DLG1: variants seen among roughly 807,000 people sequenced by gnomAD.
The protein encoded by DLG1 is disks large homolog 1.
DLG1 carries 42 observed loss-of-function variants against 123.4 expected under a neutral mutation model. That is an observed-to-expected ratio of 0.34 (90% confidence interval 0.27 to 0.44). DLG1 has a LOEUF of 0.44. Among genes scored for constraint, DLG1 ranks in the 20% least tolerant of loss-of-function variants. The pLI is 1.00. For missense variants in DLG1, 942 were observed against 1,082.6 expected (o/e 0.87, Z 1.82); for synonymous variants, 317 against 356.2 (o/e 0.89, Z 1.24).
intron 5 of DLG1, among the ~76,000 whole-genome samples, chr3:197,155,624 T>A (rs58923586): frequency 0.016 from 2,281 of 143,404 alleles, 41 homozygotes; most frequent in African/African-American, 0.045. Context: ...TTTTCAAATT[T>A]AAAAAAAAAA....
At chr3:197,298,670 C>T, upstream of DLG1, 2 of 145,312 alleles carry the variant, frequency 1.4e-5, no homozygotes, top group Non-Finnish European at 2.9e-5. Flanking sequence ...TCCCAGGGGG[C>T]GGGGAGGGCG....
chr3:197,057,077 CTCTT>C (rs1411194878), intron 23 of DLG1, among the ~76,000 whole-genome samples: 1 of 138,206 alleles, frequency 7.2e-6, no homozygotes, highest in Non-Finnish European at 1.6e-5. Context: ...TAGTTACTGA[CTCTT>C]TGTTTTTTTT....
At chr3:197,060,469 T>C (rs1342207001) in intron 22 of DLG1, among the ~76,000 whole-genome samples, 1 of 152,166 alleles carries the variant, frequency 6.6e-6, no homozygotes, top group Non-Finnish European at 1.5e-5. Flanking sequence ...AGAAAAGTTA[T>C]TCATTAAGAC....
chr3:197,204,087 T>G (rs2150349484), intron 4 of DLG1, among the ~76,000 whole-genome samples: 1 of 152,346 alleles, frequency 6.6e-6, no homozygotes, highest in African/African-American at 2.4e-5. Flanking sequence ...TTTTCTGTTC[T>G]CCAGCTAAAG....
chr3:197,272,641 A>G (rs534531941), intron 4 of DLG1, among the ~76,000 whole-genome samples: 2 of 152,372 alleles, frequency 1.3e-5, no homozygotes, highest in African/African-American at 4.8e-5. Context: ...ATATTCTGGT[A>G]TATCATACAA....
chr3:197,089,094 C>A, intron 15 of DLG1, among the ~76,000 whole-genome samples: 1 of 151,994 alleles, frequency 6.6e-6, no homozygotes, highest in East Asian at 1.9e-4. Flanking sequence ...AATATAGAGG[C>A]GAAGGCTTCA....
chr3:197,123,353 C>T (rs1234657187), intron 11 of DLG1, among the ~76,000 whole-genome samples: 2 of 152,146 alleles, frequency 1.3e-5, no homozygotes, highest in South Asian at 2.1e-4. Flanking sequence ...ACATCTGCAA[C>T]AGATGTAACT....
chr3:197,083,142 G>A (rs1752206874), intron 16 of DLG1, among the ~76,000 whole-genome samples: 3 of 152,206 alleles, frequency 2.0e-5, no homozygotes, highest in Admixed American at 2.0e-4. Flanking sequence ...TAGCCAAATA[G>A]TTGGATCATG....
chr3:197,141,253 T>C (rs1198890920), intron 7 of DLG1, among the ~76,000 whole-genome samples: 1 of 152,206 alleles, frequency 6.6e-6, no homozygotes, highest in Non-Finnish European at 1.5e-5. Context: ...ACAGTACCAG[T>C]GGATTATGGG....
intron 4 of DLG1, among the ~76,000 whole-genome samples, chr3:197,273,494 T>A (rs1344306111): frequency 6.6e-6 from 1 of 152,132 alleles, no homozygotes; most frequent in Non-Finnish European, 1.5e-5. Flanking sequence ...CGCCTCTGCC[T>A]CCCAAAGTGC....
At chr3:197,266,754 A>T (rs552072470) in intron 4 of DLG1, among the ~76,000 whole-genome samples, 1 of 152,266 alleles carries the variant, frequency 6.6e-6, no homozygotes, top group African/African-American at 2.4e-5. Context: ...ACATAGCAAC[A>T]GCAATTGTCT....
chr3:197,053,890 G>A (rs572745965), intron 23 of DLG1, among the ~76,000 whole-genome samples: 12 of 151,810 alleles, frequency 7.9e-5, no homozygotes, highest in South Asian at 2.1e-4. Flanking sequence ...CTCAGAGTTC[G>A]AGACCAGCCT....
chr3:197,100,293 A>G (rs548449047), intron 14 of DLG1, among the ~76,000 whole-genome samples: 1 of 152,330 alleles, frequency 6.6e-6, no homozygotes, highest in South Asian at 2.1e-4. Flanking sequence ...GGGTGTTAGA[A>G]ATCTACCTTT....
At chr3:197,080,943 C>T (rs1750772176) in intron 17 of DLG1, 108 bp downstream of exon 17, 1 of 964,456 alleles carries the variant, frequency 1.0e-6, no homozygotes, top group Non-Finnish European at 1.5e-6. Context: ...CATTGTAAAG[C>T]ACCATGGCAA....
At chr3:197,109,152 G>A (rs920487835) in intron 13 of DLG1, among the ~76,000 whole-genome samples, 1 of 152,144 alleles carries the variant, frequency 6.6e-6, no homozygotes, top group African/African-American at 2.4e-5. Context: ...CATCACTTGA[G>A]TACAACACTT....
chr3:197,086,777 G>T (rs1489327934), intron 15 of DLG1, among the ~76,000 whole-genome samples: 1 of 151,750 alleles, frequency 6.6e-6, no homozygotes, highest in African/African-American at 2.4e-5. Flanking sequence ...AGAAGATGAG[G>T]GCACAAATAA....
At chr3:197,186,837 C>T (rs1408445473) in intron 5 of DLG1, among the ~76,000 whole-genome samples, 2 of 152,120 alleles carry the variant, frequency 1.3e-5, no homozygotes, top group African/African-American at 4.8e-5. Flanking sequence ...CTCAGCCACC[C>T]ACGTAGCTGA....
intron 5 of DLG1, among the ~76,000 whole-genome samples, chr3:197,168,485 T>C (rs1479713026): frequency 1.3e-5 from 2 of 152,196 alleles, no homozygotes; most frequent in African/African-American, 2.4e-5. Flanking sequence ...TCAGATCTGA[T>C]CACAGGATGC....
chr3:197,264,889 T>C (rs1026003681), intron 4 of DLG1, among the ~76,000 whole-genome samples: 13 of 152,236 alleles, frequency 8.5e-5, no homozygotes, highest in African/African-American at 3.1e-4. Flanking sequence ...AGGAAGCCAC[T>C]TTCCCCTGTA....
Sources: gnomAD v4.1 joint callset for allele counts (sites outside exome capture counted in the v4.1 genomes callset) on GRCh38, gnomAD v4.1.1 for gene constraint, MANE v1.5 for transcripts, NCBI Gene and HGNC (gene_info 2026-07-23, HGNC 2026-07-21) for gene names.